OR6C1: variants seen among roughly 807,000 people sequenced by gnomAD.
OR6C1 encodes the protein olfactory receptor 6C1.
For synonymous variants in OR6C1, 157 were observed against 133.3 expected (o/e 1.18, Z -1.22); for missense variants, 386 against 366.1 (o/e 1.05, Z -0.44).
At chr12:55,316,131 C>CA (rs1555172618) in intron 1 of OR6C1, among the ~76,000 whole-genome samples, 8,617 of 121,572 alleles carry the variant, frequency 0.071, 476 homozygotes, top group African/African-American at 0.21. Context: ...ACACACACAC[C>CA]CCCCGAGAGA....
chr12:55,316,176 G>A (rs1472664766), intron 1 of OR6C1, among the ~76,000 whole-genome samples: 1 of 148,798 alleles, frequency 6.7e-6, no homozygotes, highest in Non-Finnish European at 1.5e-5. Flanking sequence ...CCTTATCTCA[G>A]TCTCTTAAAA....
At chr12:55,317,609 A>G (rs1417364102) in intron 1 of OR6C1, among the ~76,000 whole-genome samples, 2 of 151,870 alleles carry the variant, frequency 1.3e-5, no homozygotes, top group Admixed American at 6.6e-5. Flanking sequence ...ACTCAACTTT[A>G]ATTAATTAAT....
chr12:55,320,896 AT>A lies in OR6C1; in HGVS notation c.302del (p.Phe101SerfsTer31), dbSNP rs1296614926. The A allele has an allele frequency of 1.9e-6, 3 of 1,613,778 alleles. No homozygotes were observed. The African/African-American group carries it at 4.0e-5, about 22-fold the overall frequency. ...CCTTTAATAATTGCATAGTTCAGTT[AT>A]TTTTCTTCATTCTCTTGGGAGTCAC... The part of the protein sequence containing the change: ...ISFNNCIVQL[F>X]FFILLGVTEF... On this transcript the variant is annotated frameshift_variant, in exon 2 of 2. Coordinates refer to ENST00000642104, the MANE Select transcript of OR6C1 (RefSeq NM_001005182.2). LOFTEE classifies it low-confidence loss of function (END_TRUNC).
Position 55,320,983 on chromosome 12 carries a change from G to C in OR6C1, c.384G>C (p.Leu128=). 6.2e-7 allele frequency: 1 copy of C among 1,613,958 alleles called. No individual in the cohort carries two copies. Among genetic ancestry groups the C allele is most frequent in the East Asian group, 2.2e-5 (1 of 44,862 alleles). ...YDRYVAICKP[L]HCLSIMNRRV... Reference sequence around the variant, plus strand: ...GCTATGTGGCCATCTGCAAGCCTCTGCATTGCTTGAGTATCATGAATCGAA... The same window carrying C: ...GCTATGTGGCCATCTGCAAGCCTCTCCATTGCTTGAGTATCATGAATCGAA... The change falls in exon 2 of 2, where the codon CTG becomes CTC. Residue 128 remains leucine, a synonymous_variant. Coordinates refer to ENST00000642104, the MANE Select transcript of OR6C1 (RefSeq NM_001005182.2).
intron 1 of OR6C1, among the ~76,000 whole-genome samples, chr12:55,319,406 C>A (rs1463309073): frequency 1.3e-5 from 2 of 152,024 alleles, no homozygotes; most frequent in African/African-American, 2.4e-5. Flanking sequence ...TAGGTGGTAA[C>A]CAAAAACTTC....
intron 1 of OR6C1, among the ~76,000 whole-genome samples, chr12:55,318,012 A>T (rs112706133): frequency 0.035 from 5,288 of 148,978 alleles, 318 homozygotes; most frequent in African/African-American, 0.12. Context: ...CACACACATA[A>T]ATACACACAC....
In OR6C1 at chr12:55,319,956, C is replaced by T. The variant is rs567135430; in HGVS notation, c.-33-611C>T. On this transcript the variant is annotated intron_variant, in intron 1 of 1. Transcript: ENST00000642104. ...AGGAGTTCGAGACCAGCCTGACCAGCATGGCGAAACCCCATCTCTACTAAA... is the reference window on the plus strand; with the variant it reads ...AGGAGTTCGAGACCAGCCTGACCAGTATGGCGAAACCCCATCTCTACTAAA... Among the ~76,000 whole-genome samples the T allele has an allele frequency of 2.2e-3, 330 of 152,248 alleles. 3 individuals carry two copies. Among genetic ancestry groups the T allele is most frequent in the African/African-American group, 7.3e-3 (305 of 41,564 alleles).
chr12:55,320,528 A>G (rs960799723), intron 1 of OR6C1, 39 bp from the exon 2 acceptor site: 8 of 887,284 alleles, frequency 9.0e-6, no homozygotes, highest in Admixed American at 2.3e-5. Context: ...TTGTTAATTG[A>G]TAACTCTTCA....
Position 55,320,558 on chromosome 12 carries a change from C to A in OR6C1, c.-33-9C>A. The A allele has an allele frequency of 1.7e-6, 2 of 1,164,422 alleles. No homozygotes were observed. Among genetic ancestry groups the A allele is most frequent in the Admixed American group, 2.1e-5 (1 of 47,276 alleles). 72.1% of individuals were successfully genotyped at this position (1,164,422 alleles called of 1,614,324 possible). ...TCTTCAAGTTTGTTCTTTGTACTTTCTCTTGTAGGTCTGGCAGGGGAAAAA... is the reference window on the plus strand; with the variant it reads ...TCTTCAAGTTTGTTCTTTGTACTTTATCTTGTAGGTCTGGCAGGGGAAAAA... On this transcript the variant is annotated splice_polypyrimidine_tract_variant and intron_variant, in intron 1 of 1. Coordinates refer to ENST00000642104, the MANE Select transcript of OR6C1 (RefSeq NM_001005182.2).
At chr12:55,317,175 T>A (rs1868424090) in intron 1 of OR6C1, among the ~76,000 whole-genome samples, 1 of 152,004 alleles carries the variant, frequency 6.6e-6, no homozygotes, top group Non-Finnish European at 1.5e-5. Context: ...AATCTTCAGA[T>A]TGAATCCAAA....
Position 55,321,640 on chromosome 12 carries a change from T to C in OR6C1, c.*102T>C. The C allele has an allele frequency of 3.0e-6, 2 of 665,440 alleles. No individual in the cohort carries two copies. The highest frequency in any genetic ancestry group is 5.9e-5 in the South Asian group (2 of 33,996). The allele number at this position is 665,440 out of a possible 1,614,324, so 41.2% of individuals were successfully genotyped here. ...CTCCTTGCAGTCTTCTGCATCATTT[T>C]CTTTTCCCTAAAAGTTTGCAAGCAT... On this transcript the variant is annotated 3_prime_UTR_variant, in exon 2 of 2. Coordinates refer to ENST00000642104, the MANE Select transcript of OR6C1 (RefSeq NM_001005182.2).
At position 55,320,660 on chromosome 12, in the gene OR6C1, T is replaced by G; in HGVS notation, c.61T>G (p.Phe21Val). The G allele has an allele frequency of 6.2e-7, 1 of 1,613,694 alleles. No individual in the cohort carries two copies. Among genetic ancestry groups the G allele is most frequent in the Non-Finnish European group, 8.5e-7 (1 of 1,179,752 alleles). ...TCTGGGATTAACAGATGACCCAAAT[T>G]TTCAGGTTGTAATCTTTGTCTTCCT... ...ILLGLTDDPNFQVVIFVFLLI... is the reference protein window; with the variant it reads ...ILLGLTDDPNVQVVIFVFLLI... The change falls in exon 2 of 2, where the codon TTT (phenylalanine) becomes GTT (valine). Residue 21 changes from phenylalanine (F) to valine (V), a missense_variant. Coordinates refer to ENST00000642104, the MANE Select transcript of OR6C1 (RefSeq NM_001005182.2).
In OR6C1 at chr12:55,320,659, T is replaced by C. The variant is rs146587444; in HGVS notation, c.60T>C (p.Asn20=). The C allele has an allele frequency of 4.3e-6, 7 of 1,613,628 alleles. No individual in the cohort carries two copies. The highest frequency in any genetic ancestry group is 5.1e-6 in the Non-Finnish European group (6 of 1,179,718). ...TTCTGGGATTAACAGATGACCCAAATTTTCAGGTTGTAATCTTTGTCTTCC... is the reference window on the plus strand; with the variant it reads ...TTCTGGGATTAACAGATGACCCAAACTTTCAGGTTGTAATCTTTGTCTTCC... ...FILLGLTDDP[N]FQVVIFVFLL... Residue 20 remains asparagine (N), a synonymous_variant, in exon 2 of 2, where the codon AAT becomes AAC. Coordinates refer to ENST00000642104, the MANE Select transcript of OR6C1 (RefSeq NM_001005182.2).
At chr12:55,318,548 C>T (rs750957302) in intron 1 of OR6C1, among the ~76,000 whole-genome samples, 1 of 150,776 alleles carries the variant, frequency 6.6e-6, no homozygotes, top group African/African-American at 2.4e-5. Flanking sequence ...CTCCATAGAA[C>T]AAAGCCTCAT....
At chr12:55,315,752 C>G (rs1229834497) in intron 1 of OR6C1, among the ~76,000 whole-genome samples, 2 of 151,532 alleles carry the variant, frequency 1.3e-5, no homozygotes, top group African/African-American at 4.8e-5. Flanking sequence ...CTCAAAGTAA[C>G]CCTTGTGTCA....
At chr12:55,318,827 G>A (rs1333335952) in intron 1 of OR6C1, among the ~76,000 whole-genome samples, 1 of 151,436 alleles carries the variant, frequency 6.6e-6, no homozygotes, top group Non-Finnish European at 1.5e-5. Flanking sequence ...CTGAGACACA[G>A]AAGTGTTAAG....
At chr12:55,318,160 A>C (rs879453533) in intron 1 of OR6C1, among the ~76,000 whole-genome samples, 1 of 151,168 alleles carries the variant, frequency 6.6e-6, no homozygotes, top group Admixed American at 6.6e-5. Context: ...ACTGGCTGTG[A>C]GTAGCAATGT....
At position 55,321,415 on chromosome 12, in the gene OR6C1, G is replaced by GTCCTTGA; in HGVS notation, c.816_817insTCCTTGA (p.Ala273SerfsTer31). The GTCCTTGA allele has an allele frequency of 3.1e-6, 5 of 1,613,758 alleles. No individual in the cohort carries two copies. The highest frequency in any genetic ancestry group is 4.2e-6 in the Non-Finnish European group (5 of 1,179,778). On this transcript the variant is annotated frameshift_variant, in exon 2 of 2. Transcript: ENST00000642104. LOFTEE classifies it low-confidence loss of function (END_TRUNC). ...ATAGAGTGTCCTTGAGCAAGGGAGTGGCAATACTAAACACCTCAGTAGCCC... is the reference window on the plus strand; with the variant it reads ...ATAGAGTGTCCTTGAGCAAGGGAGTGTCCTTGAGCAATACTAAACACCTCAGTAGCCC...
At chr12:55,319,554 G>C (rs539701830) in intron 1 of OR6C1, among the ~76,000 whole-genome samples, 1 of 152,270 alleles carries the variant, frequency 6.6e-6, no homozygotes, top group South Asian at 2.1e-4. Flanking sequence ...AGGTTTAGGG[G>C]AGCTGCCAAG....
Sources: gnomAD v4.1 joint callset for allele counts (sites outside exome capture counted in the v4.1 genomes callset) on GRCh38, gnomAD v4.1.1 for gene constraint, MANE v1.5 for transcripts, NCBI Gene and HGNC (gene_info 2026-07-23, HGNC 2026-07-21) for gene names.